HSD17B12: variants seen among roughly 807,000 people sequenced by gnomAD.
HSD17B12 encodes very-long-chain 3-oxoacyl-CoA reductase.
Under a neutral mutation model 39.3 loss-of-function variants are expected in HSD17B12, and 32 were observed. The ratio of observed to expected loss-of-function variants is 0.81; its 90% CI spans 0.61 to 1.09. The LOEUF (loss-of-function observed/expected upper bound fraction) is 1.09. Among genes scored for constraint, HSD17B12 ranks in the 50% least tolerant of loss-of-function variants. The pLI is 0.00. For synonymous variants in HSD17B12, 150 were observed against 146.7 expected, an observed-to-expected ratio of 1.02 and a Z score of -0.16; for missense variants, 342 against 382.9, an observed-to-expected ratio of 0.89 and a Z score of 0.89.
chr11:43,570,293 G>A, the HSD17B12 span: 1 of 152,226 alleles, frequency 6.6e-6, no homozygotes, highest in East Asian at 1.9e-4. Context: ...ATATAGGGGG[G>A]CTAGGGAGGA....
In HSD17B12 at chr11:43,854,792, G is replaced by A. The variant is rs748623035; in HGVS notation, c.762G>A (p.Thr254=). The A allele has an allele frequency of 8.7e-5, 140 of 1,614,034 alleles. No homozygotes were observed. The highest frequency in any genetic ancestry group is 1.6e-4 in the Middle Eastern group (1 of 6,084). The stretch of plus-strand genomic sequence containing the variant: ...CTTTGGATAAGCCCTCTCCGGAGAC[G>A]TTTGTGAAGTCTGCAATTAAAACAG... ...KPTLDKPSPE[T]FVKSAIKTVG... is the part of the protein sequence containing the mutation. Residue 254 remains threonine (T), a synonymous_variant, in exon 10 of 11, where the codon ACG becomes ACA. Transcript: ENST00000278353.
chr11:43,750,753 G>A (rs187373469), intron 1 of HSD17B12, among the ~76,000 whole-genome samples, 158 bp from the exon 2 acceptor site: 25 of 152,142 alleles, frequency 1.6e-4, no homozygotes, highest in East Asian at 1.5e-3. Context: ...TAGCTATTGC[G>A]GTGTGTATTC....
At chr11:43,853,369 A>G (rs923575015) in intron 9 of HSD17B12, 1 of 148,342 alleles carries the variant, frequency 6.7e-6, no homozygotes, top group African/African-American at 2.5e-5. Context: ...AAAAAACCAG[A>G]GACATGGGAC....
chr11:43,748,831 CA>C (rs373288004), intron 1 of HSD17B12, among the ~76,000 whole-genome samples: 57 of 149,740 alleles, frequency 3.8e-4, no homozygotes, highest in Admixed American at 8.0e-4. Flanking sequence ...TAAATAAAGG[CA>C]AAAAAAAATT....
chr11:43,594,214 T>A, the HSD17B12 span, among the ~76,000 whole-genome samples: 4 of 152,104 alleles, frequency 2.6e-5, no homozygotes, highest in Admixed American at 1.3e-4. Flanking sequence ...AGTAATCATT[T>A]AAAAATGTCC....
At chr11:43,847,160 T>C (rs1046773375) in intron 9 of HSD17B12, among the ~76,000 whole-genome samples, 3 of 152,162 alleles carry the variant, frequency 2.0e-5, no homozygotes, top group African/African-American at 7.2e-5. Flanking sequence ...GAGGTGTTGC[T>C]CTCCGTCACG....
intron 1 of HSD17B12, among the ~76,000 whole-genome samples, chr11:43,706,833 C>T (rs1950021108): frequency 6.6e-6 from 1 of 151,846 alleles, no homozygotes; most frequent in African/African-American, 2.4e-5. Context: ...ATTATGCTGA[C>T]TAGTAAAATA....
At chr11:43,819,418 C>T (rs1951160563) in intron 6 of HSD17B12, among the ~76,000 whole-genome samples, 1 of 152,108 alleles carries the variant, frequency 6.6e-6, no homozygotes, top group Non-Finnish European at 1.5e-5. Flanking sequence ...ATCCTTCATG[C>T]AGGATCTGAG....
At chr11:43,733,885 C>A (rs1950291769) in intron 1 of HSD17B12, 11 of 681,004 alleles carry the variant, frequency 1.6e-5, no homozygotes, top group Non-Finnish European at 2.7e-5. Flanking sequence ...TGACCAATTC[C>A]ATGGAGTACA....
At chr11:43,747,267 A>G (rs1032870515) in intron 1 of HSD17B12, among the ~76,000 whole-genome samples, 1 of 152,228 alleles carries the variant, frequency 6.6e-6, no homozygotes, top group African/African-American at 2.4e-5. Context: ...ATACAATTCA[A>G]AATAGAGTGG....
At chr11:43,666,688 A>T in the HSD17B12 span, among the ~76,000 whole-genome samples, 1 of 152,246 alleles carries the variant, frequency 6.6e-6, no homozygotes, top group African/African-American at 2.4e-5. Context: ...ATACAAAATA[A>T]GGAAAATTAA....
intron 4 of HSD17B12, among the ~76,000 whole-genome samples, chr11:43,803,438 A>G (rs1950989484): frequency 6.6e-6 from 1 of 152,194 alleles, no homozygotes; most frequent in African/African-American, 2.4e-5. Flanking sequence ...ACTGATTTCT[A>G]GTAAGACCTA....
At chr11:43,585,249 C>G in the HSD17B12 span, among the ~76,000 whole-genome samples, 1 of 152,192 alleles carries the variant, frequency 6.6e-6, no homozygotes, top group Non-Finnish European at 1.5e-5. Context: ...AAATCTCTTG[C>G]TATAGAGCTT....
chr11:43,562,008 G>A, the HSD17B12 span, among the ~76,000 whole-genome samples: 2 of 152,220 alleles, frequency 1.3e-5, no homozygotes, highest in African/African-American at 4.8e-5. Flanking sequence ...AAGCAACCAT[G>A]TGGATGTATG....
intron 6 of HSD17B12, among the ~76,000 whole-genome samples, chr11:43,824,852 T>C (rs901956581): frequency 1.3e-5 from 2 of 151,852 alleles, no homozygotes; most frequent in African/African-American, 2.4e-5. Flanking sequence ...AAAAATTAGC[T>C]GGGCATGGTG....
At chr11:43,703,285 C>T (rs928663758) in intron 1 of HSD17B12, among the ~76,000 whole-genome samples, 3 of 151,922 alleles carry the variant, frequency 2.0e-5, no homozygotes, top group South Asian at 2.1e-4. Flanking sequence ...AGCTCCGCCT[C>T]CCGGGTTCAC....
At chr11:43,667,495 C>T in the HSD17B12 span, among the ~76,000 whole-genome samples, 1 of 152,166 alleles carries the variant, frequency 6.6e-6, no homozygotes, top group African/African-American at 2.4e-5. Flanking sequence ...TAACTTTACC[C>T]TTTTCCTTCT....
rs530841241 is a variant in HSD17B12, at chr11:43,855,059, C to T, written c.835-85C>T. On this transcript the variant is annotated intron_variant, in intron 10 of 10. Coordinates refer to ENST00000278353, the MANE Select transcript of HSD17B12 (RefSeq NM_016142.3). ...AATCTACCTATAAATAAAAACAACA[C>T]TATAATAAAACATTAAATCATATGC... is the stretch of plus-strand genomic sequence containing the variant. 412 of 1,133,518 alleles carry T rather than the reference C, an allele frequency of 3.6e-4. No individual in the cohort carries two copies. In the African/African-American group the frequency reaches 6.0e-3, roughly 16 times the overall value. The allele number at this position is 1,133,518 out of a possible 1,614,324, so 70.2% of individuals were successfully genotyped here.
chr11:43,660,931 C>G, the HSD17B12 span, among the ~76,000 whole-genome samples: 1 of 152,126 alleles, frequency 6.6e-6, no homozygotes, highest in Non-Finnish European at 1.5e-5. Context: ...TCAAGACCAG[C>G]CTGACCAACA....
Sources: allele counts gnomAD v4.1 joint callset (sites outside exome capture counted in the v4.1 genomes callset), GRCh38; gene constraint gnomAD v4.1.1; transcripts MANE v1.5; gene names NCBI Gene and HGNC (gene_info 2026-07-23, HGNC 2026-07-21).